Variants in ADAM23 observed in about 807,000 individuals in gnomAD.
The protein encoded by ADAM23 is disintegrin and metalloproteinase domain-containing protein 23.
In ADAM23, 33 loss-of-function variants were observed where a neutral mutation model predicts 120.1. The observed-to-expected ratio is 0.27, with a 90% confidence interval of 0.21 to 0.37. ADAM23 has a LOEUF of 0.37. ADAM23 is among the 10% of genes least tolerant of loss of function. The pLI, the probability that ADAM23 is intolerant of heterozygous loss-of-function variation, is 1.00. For synonymous variants in ADAM23, 367 were observed against 375.2 expected, an observed-to-expected ratio of 0.98 and a Z score of 0.25; for missense variants, 862 against 1,058.2, an observed-to-expected ratio of 0.81 and a Z score of 2.57.
intron 18 of ADAM23, among the ~76,000 whole-genome samples, chr2:206,583,449 G>A (rs1487944452): frequency 1.4e-5 from 2 of 143,920 alleles, no homozygotes; most frequent in African/African-American, 2.6e-5. Context: ...GCGAGACTCC[G>A]TCTCAAAAAA....
In ADAM23 at chr2:206,486,278, G is replaced by A. The variant is rs12104551; in HGVS notation, c.509+4970G>A. ...TTTGTTTAGTGTTTCCTCTAAAATA[G>A]CCGTTATTCCAGGTTACAGAAGATT... is the stretch of plus-strand genomic sequence containing the variant. On this transcript the variant is annotated intron_variant, in intron 3 of 25. Transcript: ENST00000264377. Among the ~76,000 whole-genome samples the A allele has an allele frequency of 1.7e-3, 256 of 151,582 alleles. 4 individuals are homozygous for A. The highest frequency in any genetic ancestry group is 6.0e-3 in the African/African-American group (250 of 41,352).
chr2:206,529,334 G>A (rs7596283), intron 3 of ADAM23, among the ~76,000 whole-genome samples: 8,121 of 152,090 alleles, frequency 0.053, 705 homozygotes, highest in African/African-American at 0.19. Context: ...TTAAAAAATA[G>A]GTTTTAAACA....
intron 15 of ADAM23, among the ~76,000 whole-genome samples, chr2:206,569,069 T>G (rs1455020294): frequency 6.6e-6 from 1 of 152,164 alleles, no homozygotes; most frequent in African/African-American, 2.4e-5. Flanking sequence ...ATGGGTGAAA[T>G]AAGTAATAAT....
intron 24 of ADAM23, among the ~76,000 whole-genome samples, chr2:206,603,651 T>C (rs1698679809): frequency 6.6e-6 from 1 of 152,246 alleles, no homozygotes; most frequent in South Asian, 2.1e-4. Flanking sequence ...TCTATTCATC[T>C]TGAATACCCA....
At chr2:206,467,691 A>C (rs372524654) in intron 2 of ADAM23, among the ~76,000 whole-genome samples, 1 of 152,280 alleles carries the variant, frequency 6.6e-6, no homozygotes, top group African/African-American at 2.4e-5. Context: ...TCACAGCTCA[A>C]CTAGGCAGTA....
At chr2:206,571,886 A>G in intron 17 of ADAM23, 70 bp downstream of exon 17, 10 of 1,367,252 alleles carry the variant, frequency 7.3e-6, no homozygotes, top group Non-Finnish European at 1.0e-5. Flanking sequence ...GTGTACACTG[A>G]GCATTTGTGT....
intron 3 of ADAM23, among the ~76,000 whole-genome samples, chr2:206,503,262 T>C (rs1389081742): frequency 1.3e-5 from 2 of 152,128 alleles, no homozygotes; most frequent in Non-Finnish European, 2.9e-5. Flanking sequence ...TAAATGACTT[T>C]TTTTCCCTAG....
At chr2:206,527,960 G>T (rs1173592451) in intron 3 of ADAM23, among the ~76,000 whole-genome samples, 1 of 152,156 alleles carries the variant, frequency 6.6e-6, no homozygotes, top group African/African-American at 2.4e-5. Context: ...CTAGAAACAG[G>T]TATGTTCATG....
intron 6 of ADAM23, 48 bp from the exon 7 acceptor site, chr2:206,547,381 C>T: frequency 6.7e-7 from 1 of 1,494,738 alleles, no homozygotes; most frequent in Non-Finnish European, 9.2e-7. Context: ...TTCATAGAGG[C>T]TTGTTCACAT....
At chr2:206,445,606 A>G in intron 2 of ADAM23, 82 bp downstream of exon 2, 1 of 1,190,126 alleles carries the variant, frequency 8.4e-7, no homozygotes, top group Non-Finnish European at 1.2e-6. Context: ...ATCTGAGTTC[A>G]CAAATTTTAC....
chr2:206,586,659 T>G (rs1010683262), intron 18 of ADAM23, among the ~76,000 whole-genome samples: 2 of 152,184 alleles, frequency 1.3e-5, no homozygotes, highest in African/African-American at 2.4e-5. Context: ...TGACTTGATC[T>G]TTTTCCATTC....
At chr2:206,614,502 A>C (rs1004993729) in intron 25 of ADAM23, among the ~76,000 whole-genome samples, 1 of 152,062 alleles carries the variant, frequency 6.6e-6, no homozygotes, top group African/African-American at 2.4e-5. Flanking sequence ...TAAAAATACA[A>C]AAATTAACCG....
chr2:206,456,688 TA>T (rs957774868), intron 2 of ADAM23, among the ~76,000 whole-genome samples: 8 of 149,768 alleles, frequency 5.3e-5, no homozygotes, highest in Non-Finnish European at 1.2e-4. Flanking sequence ...CCTGCCACAT[TA>T]AAAAAAAAAT....
chr2:206,507,549 G>C (rs898231192), intron 3 of ADAM23, among the ~76,000 whole-genome samples: 5 of 152,152 alleles, frequency 3.3e-5, no homozygotes, highest in Non-Finnish European at 5.9e-5. Flanking sequence ...ATAGCCTACA[G>C]AACTGTGAAC....
intron 9 of ADAM23, among the ~76,000 whole-genome samples, chr2:206,552,155 ATTATATAAATACT>A (rs1200496423): frequency 1.3e-5 from 2 of 152,210 alleles, no homozygotes; most frequent in Non-Finnish European, 2.9e-5. Flanking sequence ...TTCAACATCC[ATTATATAAATACT>A]TTTAGAGTAG....
chr2:206,497,161 C>G (rs1696270665), intron 3 of ADAM23, among the ~76,000 whole-genome samples: 1 of 152,298 alleles, frequency 6.6e-6, no homozygotes, highest in South Asian at 2.1e-4. Flanking sequence ...ATGAGGCCAG[C>G]ATCATCCTGA....
intron 3 of ADAM23, among the ~76,000 whole-genome samples, chr2:206,500,993 C>CT (rs201894596): frequency 0.042 from 5,976 of 142,628 alleles, 172 homozygotes; most frequent in African/African-American, 0.078. Context: ...GAGCCACTCA[C>CT]TTTTTTTTTT....
At chr2:206,605,178 A>G (rs1157096162) in intron 24 of ADAM23, among the ~76,000 whole-genome samples, 1 of 152,206 alleles carries the variant, frequency 6.6e-6, no homozygotes, top group Non-Finnish European at 1.5e-5. Flanking sequence ...CTAACTTTCT[A>G]TAAGTTTATC....
At chr2:206,464,670 T>TA (rs1695504562) in intron 2 of ADAM23, among the ~76,000 whole-genome samples, 1 of 152,230 alleles carries the variant, frequency 6.6e-6, no homozygotes, top group South Asian at 2.1e-4. Context: ...CTTCTGTACA[T>TA]AGAGAGTAGG....
Sources: gnomAD v4.1 joint callset for allele counts (sites outside exome capture counted in the v4.1 genomes callset) on GRCh38, gnomAD v4.1.1 for gene constraint, MANE v1.5 for transcripts, NCBI Gene and HGNC (gene_info 2026-07-23, HGNC 2026-07-21) for gene names.